FGF12: variants seen among roughly 807,000 people sequenced by gnomAD.
The protein encoded by FGF12 is fibroblast growth factor 12, also known as fibroblast growth factor 12B.
Under a neutral mutation model 23.6 loss-of-function variants are expected in FGF12, and 14 were observed. That is an observed-to-expected ratio of 0.59 (90% CI 0.39 to 0.93). The LOEUF (loss-of-function observed/expected upper bound fraction) is 0.93. Among genes scored for constraint, FGF12 ranks in the 40% least tolerant of loss-of-function variants. The pLI is 0.00. For synonymous variants in FGF12, 62 were observed against 77.3 expected (o/e 0.80, Z 1.04); for missense variants, 175 against 217.8 (o/e 0.80, Z 1.24).
chr3:192,335,459 A>G lies in FGF12; in HGVS notation c.130T>C (p.Phe44Leu). 1 of 1,610,312 alleles carries G rather than the reference A, an allele frequency of 6.2e-7. No individual in the cohort carries two copies. Among genetic ancestry groups the G allele is most frequent in the Non-Finnish European group, 8.5e-7 (1 of 1,176,884 alleles). Reference protein sequence around the residue: ...TKDENSDYTLFNLIPVGLRVV... With the variant: ...TKDENSDYTLLNLIPVGLRVV... Reference sequence around the variant, plus strand: ...CGCAGGCCCACGGGAATTAGATTGAAGAGAGCTGGGGGGAGAAAAAGAAGG... The same window carrying G: ...CGCAGGCCCACGGGAATTAGATTGAGGAGAGCTGGGGGGAGAAAAAGAAGG... Residue 44 changes from phenylalanine (F) to leucine (L), a missense_variant, in exon 4 of 6, where the codon TTC becomes CTC. Physicochemically the swap from Phe to Leu is conservative, Grantham distance 22. Coordinates refer to ENST00000445105, the MANE Select transcript of FGF12 (RefSeq NM_004113.6).
intron 2 of FGF12, among the ~76,000 whole-genome samples, chr3:192,705,996 CT>C (rs1044794265): frequency 6.6e-6 from 1 of 152,140 alleles, no homozygotes; most frequent in Non-Finnish European, 1.5e-5. Context: ...ACAGAATGTG[CT>C]TTAGGTGCTG....
chr3:192,457,520 G>C (rs1346535990), intron 2 of FGF12, among the ~76,000 whole-genome samples: 5 of 152,182 alleles, frequency 3.3e-5, no homozygotes, highest in African/African-American at 1.2e-4. Flanking sequence ...TTAGCAAAGA[G>C]ACTGGTGGCA....
In FGF12 at chr3:192,681,191, G is replaced by A. The variant is rs1717513241; in HGVS notation, c.13+45990C>T. On this transcript the variant is annotated intron_variant, in intron 2 of 5. Coordinates refer to ENST00000445105, the MANE Select transcript of FGF12 (RefSeq NM_004113.6). ...GGCCAGTTAGGCCTCCACTGCAGAA[G>A]ATAAGAGGTGAGGAATGTGAACTGA... 2.6e-5 allele frequency among the ~76,000 whole-genome samples: 4 copies of A among 152,336 alleles called. No homozygotes were observed. The South Asian group carries it at 8.3e-4, about 32-fold the overall frequency.
chr3:192,211,133 T>C (rs1253051410), intron 4 of FGF12, among the ~76,000 whole-genome samples: 1 of 152,278 alleles, frequency 6.6e-6, no homozygotes, highest in East Asian at 1.9e-4. Context: ...GGAGAAGGAC[T>C]GAAAGCTTGG....
At chr3:192,660,112 A>G (rs1469758661) in intron 2 of FGF12, among the ~76,000 whole-genome samples, 2 of 151,852 alleles carry the variant, frequency 1.3e-5, no homozygotes, top group Admixed American at 6.6e-5. Context: ...AACCAACCCA[A>G]ATGTCCAACA....
chr3:192,206,064 T>C (rs1480982167), intron 4 of FGF12, among the ~76,000 whole-genome samples: 1 of 152,210 alleles, frequency 6.6e-6, no homozygotes, highest in Non-Finnish European at 1.5e-5. Context: ...ATTGCTAATA[T>C]GGAGACAATT....
chr3:192,231,997 AG>A (rs1367522506), intron 4 of FGF12, among the ~76,000 whole-genome samples: 1 of 152,222 alleles, frequency 6.6e-6, no homozygotes, highest in Admixed American at 6.5e-5. Context: ...TCAACGACGT[AG>A]AGATAATTAA....
At chr3:192,587,579 G>A (rs138850142) in intron 2 of FGF12, among the ~76,000 whole-genome samples, 4,583 of 152,040 alleles carry the variant, frequency 0.03, 247 homozygotes, top group African/African-American at 0.1. Context: ...ACTTTGGGAG[G>A]CTGAGGCAGG....
intron 3 of FGF12, among the ~76,000 whole-genome samples, chr3:192,359,399 G>A (rs1003263862): frequency 1.2e-4 from 18 of 152,104 alleles, no homozygotes; most frequent in African/African-American, 4.3e-4. Flanking sequence ...TATGCAGTTT[G>A]GTAGATTATC....
At chr3:192,167,759 A>T (rs1412018747) in intron 5 of FGF12, among the ~76,000 whole-genome samples, 1,558 of 35,440 alleles carry the variant, frequency 0.044, 80 homozygotes, top group Non-Finnish European at 0.068. Flanking sequence ...ATATATATAT[A>T]TATATATATA....
chr3:192,559,996 A>C (rs1310083605), intron 2 of FGF12, among the ~76,000 whole-genome samples: 1 of 152,076 alleles, frequency 6.6e-6, no homozygotes, highest in Non-Finnish European at 1.5e-5. Context: ...TATACCATAA[A>C]ATAAGTAGCA....
At chr3:192,354,411 G>A (rs760987758) in intron 3 of FGF12, among the ~76,000 whole-genome samples, 1 of 151,572 alleles carries the variant, frequency 6.6e-6, no homozygotes. Flanking sequence ...AAGAAAAGCT[G>A]ACGGCAGAAA....
At chr3:192,158,434 C>CTTT (rs1474812098) in intron 5 of FGF12, among the ~76,000 whole-genome samples, 22 of 84,792 alleles carry the variant, frequency 2.6e-4, no homozygotes, top group African/African-American at 8.2e-4. Flanking sequence ...TTTCTTTTTT[C>CTTT]TTTCTTTCTT....
chr3:192,621,823 C>T (rs1456416428), intron 2 of FGF12, among the ~76,000 whole-genome samples: 3 of 151,988 alleles, frequency 2.0e-5, no homozygotes, highest in Non-Finnish European at 2.9e-5. Flanking sequence ...TGGTACTGTG[C>T]TCCAATGCCA....
chr3:192,144,271 T>A (rs1178181901), intron 5 of FGF12, 144 bp from the exon 6 acceptor site: 8 of 567,988 alleles, frequency 1.4e-5, no homozygotes, highest in Non-Finnish European at 1.9e-5. Flanking sequence ...AACTTGATAA[T>A]CAGTGAATAC....
chr3:192,157,706 C>T (rs1302416874), intron 5 of FGF12, among the ~76,000 whole-genome samples: 1 of 152,104 alleles, frequency 6.6e-6, no homozygotes, highest in Non-Finnish European at 1.5e-5. Context: ...GAAACAAAGA[C>T]TTTCTTAAAA....
In FGF12 at chr3:192,687,494, C is replaced by T. The variant is rs141142434; in HGVS notation, c.13+39687G>A. On this transcript the variant is annotated intron_variant, in intron 2 of 5. Transcript: ENST00000445105. ...TAGTGACTGACAAATAATTCACCAC[C>T]AAGGAGAGGTAGTCAAAGTCAGAAT... is the stretch of plus-strand genomic sequence containing the variant. 8.6e-4 allele frequency among the ~76,000 whole-genome samples: 131 copies of T among 152,244 alleles called. No individual in the cohort carries two copies. In the Middle Eastern group the frequency reaches 0.014, roughly 16 times the overall value.
At chr3:192,579,235 T>C (rs1319018698) in intron 2 of FGF12, among the ~76,000 whole-genome samples, 1 of 152,186 alleles carries the variant, frequency 6.6e-6, no homozygotes, top group East Asian at 1.9e-4. Context: ...GTAATAAGCC[T>C]GTTTCCAATA....
At chr3:192,285,555 T>C (rs1380539046) in intron 4 of FGF12, among the ~76,000 whole-genome samples, 1 of 152,074 alleles carries the variant, frequency 6.6e-6, no homozygotes, top group Non-Finnish European at 1.5e-5. Flanking sequence ...CATGTGAGTG[T>C]AGTTCAGTTA....
Sources: allele counts gnomAD v4.1 joint callset (sites outside exome capture counted in the v4.1 genomes callset), GRCh38; gene constraint gnomAD v4.1.1; transcripts MANE v1.5; gene names NCBI Gene and HGNC (gene_info 2026-07-23, HGNC 2026-07-21).